Variants in DLGAP2 observed in about 807,000 individuals in gnomAD.
DLGAP2 encodes the protein disks large-associated protein 2.
DLGAP2 carries 26 observed loss-of-function variants against 100.3 expected under a neutral mutation model. The observed-to-expected ratio is 0.26, with a 90% CI of 0.19 to 0.36. The LOEUF (loss-of-function observed/expected upper bound fraction) is 0.36, where lower values mean the gene tolerates loss of function less well. Ranked by LOEUF, DLGAP2 falls within the 10% of genes least tolerant of loss-of-function variation. The pLI, the probability that DLGAP2 is intolerant of heterozygous loss-of-function variation, is 1.00. For synonymous variants in DLGAP2, 886 were observed against 630.1 expected (o/e 1.41, Z -6.08); for missense variants, 1,858 against 1,453.2 (o/e 1.28, Z -4.53).
At chr8:801,853 C>G (rs964762024) in intron 1 of DLGAP2, among the ~76,000 whole-genome samples, 1 of 152,024 alleles carries the variant, frequency 6.6e-6, no homozygotes, top group Non-Finnish European at 1.5e-5. Flanking sequence ...GTGGCTGTGC[C>G]CTTTCGTACC....
At chr8:1,008,402 A>G (rs1470532223) in intron 2 of DLGAP2, among the ~76,000 whole-genome samples, 1 of 152,246 alleles carries the variant, frequency 6.6e-6, no homozygotes, top group Non-Finnish European at 1.5e-5. Flanking sequence ...TATGGTTTTA[A>G]GATAATTATC....
At chr8:1,235,043 C>A (rs1196662120) in intron 2 of DLGAP2, among the ~76,000 whole-genome samples, 6 of 151,190 alleles carry the variant, frequency 4.0e-5, no homozygotes, top group Non-Finnish European at 8.8e-5. Flanking sequence ...TCACATGGCG[C>A]CATGTCTAGT....
At chr8:1,658,435 G>A (rs559268910) in intron 8 of DLGAP2, among the ~76,000 whole-genome samples, 15 of 152,246 alleles carry the variant, frequency 9.9e-5, no homozygotes, top group Admixed American at 7.2e-4. Context: ...TGTGCAGAAC[G>A]TGCAGTTTTG....
At chr8:1,416,269 C>T (rs766801864) in intron 3 of DLGAP2, among the ~76,000 whole-genome samples, 17 of 152,122 alleles carry the variant, frequency 1.1e-4, no homozygotes, top group Non-Finnish European at 2.4e-4. Flanking sequence ...CCCGGCCTGG[C>T]GGGGGATTGT....
intron 2 of DLGAP2, among the ~76,000 whole-genome samples, chr8:1,171,599 A>G (rs926743873): frequency 6.6e-6 from 1 of 152,136 alleles, no homozygotes; most frequent in Non-Finnish European, 1.5e-5. Flanking sequence ...TAGGATACTT[A>G]GCTCTTCTTG....
intron 6 of DLGAP2, among the ~76,000 whole-genome samples, chr8:1,588,954 C>A (rs1396012101): frequency 1.3e-5 from 2 of 152,096 alleles, no homozygotes; most frequent in Non-Finnish European, 2.9e-5. Flanking sequence ...TACTCAAAAT[C>A]TGCCAATGTG....
intron 3 of DLGAP2, among the ~76,000 whole-genome samples, chr8:1,450,650 C>G (rs573765791): frequency 1.3e-5 from 2 of 152,164 alleles, no homozygotes; most frequent in Admixed American, 6.5e-5. Flanking sequence ...CCCCATCATT[C>G]CCACTCTGCA....
At chr8:1,001,348 G>A (rs956648637) in intron 2 of DLGAP2, among the ~76,000 whole-genome samples, 4 of 152,158 alleles carry the variant, frequency 2.6e-5, no homozygotes, top group Non-Finnish European at 4.4e-5. Flanking sequence ...ACATAAGTTT[G>A]TGTTACGTCC....
At position 1,652,035 on chromosome 8, in the gene DLGAP2, T is replaced by C. The variant is rs1040895316; in HGVS notation, c.1811-16294T>C. Among the ~76,000 whole-genome samples, 8 of 152,366 alleles carry C rather than the reference T, an allele frequency of 5.3e-5. No homozygotes were observed. The South Asian group carries it at 1.7e-3, about 32-fold the overall frequency. Reference sequence around the variant, plus strand: ...ACTTGCCCAGTGAGGCTTTCTCTTTTTCCTTGAGAATTAAGTTGGTTTTTT... The same window carrying C: ...ACTTGCCCAGTGAGGCTTTCTCTTTCTCCTTGAGAATTAAGTTGGTTTTTT... On this transcript the variant is annotated intron_variant, in intron 8 of 14. Transcript: ENST00000637795.
At chr8:1,547,489 G>T (rs1053298335) in intron 4 of DLGAP2, among the ~76,000 whole-genome samples, 2 of 152,086 alleles carry the variant, frequency 1.3e-5, no homozygotes, top group African/African-American at 2.4e-5. Flanking sequence ...GGCAGGAGGG[G>T]CCTGGGATGG....
chr8:898,564 G>A (rs531830777), intron 1 of DLGAP2, among the ~76,000 whole-genome samples: 46 of 152,270 alleles, frequency 3.0e-4, no homozygotes, highest in African/African-American at 1.1e-3. Context: ...GAAGGGGCCT[G>A]GAGAAGCCGC....
At chr8:1,027,129 A>G (rs1417755096) in intron 2 of DLGAP2, among the ~76,000 whole-genome samples, 1 of 152,232 alleles carries the variant, frequency 6.6e-6, no homozygotes, top group Non-Finnish European at 1.5e-5. Context: ...ATTGTTTTAC[A>G]GAAAAGGTAT....
At chr8:1,222,631 G>T (rs1180231099) in intron 2 of DLGAP2, among the ~76,000 whole-genome samples, 2 of 151,992 alleles carry the variant, frequency 1.3e-5, no homozygotes, top group African/African-American at 2.4e-5. Context: ...CTGCAGGTGG[G>T]TGTACACGGT....
At chr8:1,598,687 A>G (rs1176155961) in intron 6 of DLGAP2, among the ~76,000 whole-genome samples, 1 of 151,868 alleles carries the variant, frequency 6.6e-6, no homozygotes, top group Admixed American at 6.6e-5. Context: ...TGTAGTTTGT[A>G]TTTCTGTGGG....
At chr8:1,647,319 T>C (rs1453263288) in intron 8 of DLGAP2, among the ~76,000 whole-genome samples, 1 of 151,668 alleles carries the variant, frequency 6.6e-6, no homozygotes, top group African/African-American at 2.4e-5. Flanking sequence ...ACCCCATCTC[T>C]ACTAAACAAA....
chr8:1,581,652 CCA>C (rs985047570), intron 6 of DLGAP2, among the ~76,000 whole-genome samples: 2 of 150,098 alleles, frequency 1.3e-5, no homozygotes, highest in African/African-American at 4.9e-5. Context: ...CATCTACACA[CCA>C]CAGTCAACCA....
chr8:1,050,503 A>G (rs946239416), intron 2 of DLGAP2, among the ~76,000 whole-genome samples: 2 of 152,182 alleles, frequency 1.3e-5, no homozygotes, highest in South Asian at 2.1e-4. Flanking sequence ...TATTAAATGC[A>G]TTTTTGACTT....
chr8:763,927 G>A (rs984433471), intron 1 of DLGAP2, among the ~76,000 whole-genome samples: 1 of 152,210 alleles, frequency 6.6e-6, no homozygotes, highest in Admixed American at 6.5e-5. Context: ...CTCATAAAGT[G>A]AAACCAATTG....
chr8:1,129,276 G>T (rs1796236235), intron 2 of DLGAP2, among the ~76,000 whole-genome samples: 1 of 151,984 alleles, frequency 6.6e-6, no homozygotes, highest in Admixed American at 6.6e-5. Flanking sequence ...GGTGGCACGT[G>T]CCTGTGTTCC....
Sources: gnomAD v4.1 joint callset for allele counts (sites outside exome capture counted in the v4.1 genomes callset) on GRCh38, gnomAD v4.1.1 for gene constraint, MANE v1.5 for transcripts, NCBI Gene and HGNC (gene_info 2026-07-23, HGNC 2026-07-21) for gene names.